SUGCT: variants seen among roughly 807,000 people sequenced by gnomAD.
SUGCT encodes succinyl-CoA:glutarate CoA-transferase.
SUGCT carries 41 observed loss-of-function variants against 55.0 expected under a neutral mutation model. That is an observed-to-expected ratio of 0.74 (90% confidence interval 0.58 to 0.97). The LOEUF (loss-of-function observed/expected upper bound fraction) is 0.97, where lower values mean the gene tolerates loss of function less well. Ranked by LOEUF, SUGCT falls within the 50% of genes least tolerant of loss-of-function variation. SUGCT has a pLI of 0.00. For synonymous variants in SUGCT, 187 were observed against 200.4 expected, an observed-to-expected ratio of 0.93 and a Z score of 0.56; for missense variants, 568 against 547.8, an observed-to-expected ratio of 1.04 and a Z score of -0.37.
chr7:40,978,793 G>T, the SUGCT span, among the ~76,000 whole-genome samples: 1 of 152,292 alleles, frequency 6.6e-6, no homozygotes, highest in South Asian at 2.1e-4. Flanking sequence ...GAGTGGAGGC[G>T]ATGAAGCCCG....
intron 12 of SUGCT, among the ~76,000 whole-genome samples, chr7:40,600,378 G>A (rs1197724414): frequency 6.6e-6 from 1 of 152,200 alleles, no homozygotes; most frequent in Non-Finnish European, 1.5e-5. Flanking sequence ...AGGCATCATT[G>A]TGGCTAGATG....
At chr7:40,270,037 G>A (rs1307937753) in intron 7 of SUGCT, among the ~76,000 whole-genome samples, 1 of 150,766 alleles carries the variant, frequency 6.6e-6, no homozygotes, top group Admixed American at 6.7e-5. Context: ...ACGGGAGGCT[G>A]AGATAAGAGA....
the SUGCT span, among the ~76,000 whole-genome samples, chr7:40,871,405 T>C: frequency 2.0e-5 from 3 of 152,094 alleles, no homozygotes; most frequent in Admixed American, 6.5e-5. Context: ...ATACCAGACA[T>C]GTGAGTGAAG....
intron 12 of SUGCT, among the ~76,000 whole-genome samples, chr7:40,746,613 A>G (rs553137707): frequency 1.1e-4 from 16 of 152,236 alleles, no homozygotes; most frequent in Non-Finnish European, 2.2e-4. Flanking sequence ...TCATACTGAA[A>G]ATATCCTATA....
intron 9 of SUGCT, among the ~76,000 whole-genome samples, chr7:40,362,410 G>A (rs972013448): frequency 1.6e-4 from 25 of 151,658 alleles, no homozygotes; most frequent in African/African-American, 7.3e-5. Context: ...CAGAGCGAGA[G>A]TCCATCCCCG....
chr7:40,240,470 C>T (rs908546657), intron 7 of SUGCT, among the ~76,000 whole-genome samples: 25 of 150,292 alleles, frequency 1.7e-4, no homozygotes, highest in African/African-American at 5.7e-4. Flanking sequence ...GTGACAAGAG[C>T]GAAACTCCAT....
chr7:40,377,194 C>CT lies in SUGCT; in HGVS notation c.816+60342dup, dbSNP rs1240336957. ...TCTTTCTTTCTTTCTTTCTTTCTTT[C>CT]TTTCTTTTCTTTTCTTTTCTTTCTT... On this transcript the variant is annotated intron_variant, in intron 9 of 13. Transcript: ENST00000335693. 0.025 allele frequency among the ~76,000 whole-genome samples: 189 copies of CT among 7,542 alleles called. 14 individuals are homozygous for CT. In the South Asian group the frequency reaches 0.42, roughly 17 times the overall value. 4.9% of individuals were successfully genotyped at this position (7,542 alleles called of 152,430 possible).
At chr7:40,567,681 C>G (rs2151679719) in intron 12 of SUGCT, among the ~76,000 whole-genome samples, 1 of 152,292 alleles carries the variant, frequency 6.6e-6, no homozygotes, top group South Asian at 2.1e-4. Context: ...GTTGTTCTCA[C>G]ACTCTCTTCT....
intron 9 of SUGCT, among the ~76,000 whole-genome samples, chr7:40,444,443 C>A (rs1206942093): frequency 6.6e-6 from 1 of 152,078 alleles, no homozygotes; most frequent in African/African-American, 2.4e-5. Flanking sequence ...CTTCACATCC[C>A]TTGTAAGTTG....
the SUGCT span, among the ~76,000 whole-genome samples, chr7:40,967,539 A>T: frequency 6.6e-6 from 1 of 152,318 alleles, no homozygotes; most frequent in African/African-American, 2.4e-5. Flanking sequence ...CTGAAGTTGA[A>T]AAAGTACTTG....
chr7:40,833,124 A>C (rs925008540), intron 13 of SUGCT, among the ~76,000 whole-genome samples: 2 of 151,994 alleles, frequency 1.3e-5, no homozygotes, highest in Admixed American at 6.6e-5. Context: ...ACTGGAAAGG[A>C]ATCTGATCAG....
rs897336142 is a variant in SUGCT, at chr7:40,366,292, A to G, written c.816+49437A>G. ...GATGGATTAAAGACTTAAACATTAG[A>G]CCTAAAACCATAAAAACCCTAGAAG... On this transcript the variant is annotated intron_variant, in intron 9 of 13. Coordinates refer to ENST00000335693, the MANE Select transcript of SUGCT (RefSeq NM_001193313.2). Among the ~76,000 whole-genome samples, 3 of 152,298 alleles carry G rather than the reference A, an allele frequency of 2.0e-5. No homozygotes were observed. The South Asian group carries it at 6.2e-4, about 32-fold the overall frequency.
At chr7:40,489,066 C>A (rs903385745) in intron 11 of SUGCT, among the ~76,000 whole-genome samples, 3 of 152,020 alleles carry the variant, frequency 2.0e-5, no homozygotes, top group African/African-American at 4.8e-5. Context: ...TACCCCTTTA[C>A]CTTTCTCCAC....
rs573802925 is a variant in SUGCT, at chr7:40,658,810, T to C, written c.1090-90624T>C. Among the ~76,000 whole-genome samples, 13 of 152,332 alleles carry C rather than the reference T, an allele frequency of 8.5e-5. No homozygotes were observed. The East Asian group carries it at 2.5e-3, about 29-fold the overall frequency. On this transcript the variant is annotated intron_variant, in intron 12 of 13. Transcript: ENST00000335693. The stretch of plus-strand genomic sequence containing the variant: ...TCACAGGGTGGGGTAGCCTCATGCC[T>C]GGCCTGGTGGCTTCTTGTGTAACCC...
In SUGCT at chr7:40,176,927, C is replaced by T. The variant is rs915474745; in HGVS notation, c.101-4020C>T. 8.4e-5 allele frequency among the ~76,000 whole-genome samples: 11 copies of T among 131,636 alleles called. 1 individual carries two copies. The highest frequency in any genetic ancestry group is 1.1e-4 in the African/African-American group (4 of 35,634). The allele number at this position is 131,636 out of a possible 152,430, so 86.4% of individuals were successfully genotyped here. On this transcript the variant is annotated intron_variant, in intron 1 of 13. Transcript: ENST00000335693. Reference sequence around the variant, plus strand: ...AGCGGAGATTGCAGTGAGCCAAGATCGCAAGCCTGGGAGACAGAGTGAGAC... The same window carrying T: ...AGCGGAGATTGCAGTGAGCCAAGATTGCAAGCCTGGGAGACAGAGTGAGAC...
At chr7:40,916,231 T>C in the SUGCT span, among the ~76,000 whole-genome samples, 5 of 152,264 alleles carry the variant, frequency 3.3e-5, no homozygotes, top group Middle Eastern at 3.4e-3. Context: ...ACCTAATATT[T>C]TGTATGGGAT....
chr7:40,871,680 C>T, the SUGCT span, among the ~76,000 whole-genome samples: 1 of 151,620 alleles, frequency 6.6e-6, no homozygotes, highest in Non-Finnish European at 1.5e-5. Context: ...CCGCCCCCAC[C>T]CCGCCAGTGA....
intron 8 of SUGCT, among the ~76,000 whole-genome samples, chr7:40,283,376 G>A (rs1047305816): frequency 2.6e-5 from 4 of 151,760 alleles, no homozygotes; most frequent in African/African-American, 9.7e-5. Flanking sequence ...TTACAGCTGC[G>A]GGCCACCATG....
intron 6 of SUGCT, among the ~76,000 whole-genome samples, chr7:40,216,618 A>G (rs1787665720): frequency 6.7e-6 from 1 of 149,300 alleles, no homozygotes; most frequent in Non-Finnish European, 1.5e-5. Context: ...TTCGGAAGCC[A>G]AGGTGGGTGG....
Sources: gnomAD v4.1 joint callset for allele counts (sites outside exome capture counted in the v4.1 genomes callset) on GRCh38, gnomAD v4.1.1 for gene constraint, MANE v1.5 for transcripts, NCBI Gene and HGNC (gene_info 2026-07-23, HGNC 2026-07-21) for gene names.